NBAS: variants seen among roughly 807,000 people sequenced by gnomAD.
NBAS encodes the protein NAG/BC035112 fusion.
A neutral mutation model predicts 302.5 loss-of-function variants in NBAS; 219 were observed. The observed-to-expected ratio is 0.72, with a 90% confidence interval of 0.65 to 0.81. The LOEUF is 0.81. Among genes scored for constraint, NBAS ranks in the 30% least tolerant of loss-of-function variants. The probability of loss-of-function intolerance (pLI) is 0.00; values close to 1 mark genes in which losing one functional copy is unlikely to be tolerated. For missense variants in NBAS, 2,932 were observed against 2,841.6 expected, an observed-to-expected ratio of 1.03 and a Z score of -0.72; for synonymous variants, 1,118 against 1,021.6, an observed-to-expected ratio of 1.09 and a Z score of -1.80.
intron 1 of NBAS, among the ~76,000 whole-genome samples, chr2:15,559,038 G>C (rs887336632): frequency 7.2e-5 from 9 of 125,544 alleles, no homozygotes; most frequent in African/African-American, 2.5e-4. Context: ...ACTCCAGCCT[G>C]GGTGACAGAG....
At chr2:14,848,157 T>C in the NBAS span, among the ~76,000 whole-genome samples, 844 of 151,870 alleles carry the variant, frequency 5.6e-3, 15 homozygotes, top group African/African-American at 0.019. Context: ...TGCATTTCCA[T>C]CTGAGGTACC....
chr2:15,143,688 A>G, the NBAS span, among the ~76,000 whole-genome samples: 2 of 152,276 alleles, frequency 1.3e-5, no homozygotes, highest in Admixed American at 1.3e-4. Flanking sequence ...TTGGATTGAA[A>G]GATACAAAGT....
Position 15,330,714 on chromosome 2 carries a change from T to A in NBAS, c.4231A>T (p.Thr1411Ser). ...SNSADLLRWTTATTMKVLSNT... is the reference protein window; with the variant it reads ...SNSADLLRWTSATTMKVLSNT... ...GAAAGGACTTTCATGGTGGTAGCAG[T>A]GGTCCAGCGCAATAGGTCAGCTGAA... The change falls in exon 36 of 52, where the codon ACT becomes TCT. Residue 1411 changes from threonine (T) to serine (S), a missense_variant. Thr to Ser is a moderately conservative substitution (Grantham distance 58, BLOSUM62 1). Transcript: ENST00000281513. The A allele has an allele frequency of 6.2e-7, 1 of 1,614,074 alleles. No individual in the cohort carries two copies. Among genetic ancestry groups the A allele is most frequent in the East Asian group, 2.2e-5 (1 of 44,870 alleles).
rs1312316620 is a variant in NBAS, at chr2:15,353,424, G to GA, written c.4089+128dup. On this transcript the variant is annotated intron_variant, in intron 34 of 51. Transcript: ENST00000281513. ...ATTTTCATGTCCCTTTTCCATAAGT[G>GA]ACAATCTAGTTTTCTTCCATAAATT... is the stretch of plus-strand genomic sequence containing the variant. 6.1e-6 allele frequency: 7 copies of GA among 1,149,818 alleles called. No individual in the cohort carries two copies. The African/African-American group carries it at 1.1e-4, about 18-fold the overall frequency. The allele number at this position is 1,149,818 out of a possible 1,614,324, so 71.2% of individuals were successfully genotyped here.
chr2:15,152,453 A>G, the NBAS span, among the ~76,000 whole-genome samples: 1 of 152,220 alleles, frequency 6.6e-6, no homozygotes, highest in Non-Finnish European at 1.5e-5. Flanking sequence ...ACAAACTGCA[A>G]TCTAGCTAAG....
the NBAS span, among the ~76,000 whole-genome samples, chr2:15,073,296 T>A: frequency 6.6e-6 from 1 of 151,858 alleles, no homozygotes; most frequent in Non-Finnish European, 1.5e-5. Context: ...CTGGCCAACA[T>A]GGTGAAACAC....
chr2:14,938,256 T>G, the NBAS span, among the ~76,000 whole-genome samples: 1 of 152,152 alleles, frequency 6.6e-6, no homozygotes, highest in Non-Finnish European at 1.5e-5. Context: ...ACTAATAAAT[T>G]TACAACTCTG....
chr2:14,972,945 T>G, the NBAS span, among the ~76,000 whole-genome samples: 13 of 152,208 alleles, frequency 8.5e-5, no homozygotes, highest in African/African-American at 3.1e-4. Flanking sequence ...AACACTTGGC[T>G]AGAACCATCA....
intron 6 of NBAS, among the ~76,000 whole-genome samples, chr2:15,547,145 T>C (rs1397307705): frequency 6.6e-6 from 1 of 152,198 alleles, no homozygotes; most frequent in East Asian, 1.9e-4. Flanking sequence ...ACAATCCACA[T>C]TTAAAACATT....
intron 24 of NBAS, among the ~76,000 whole-genome samples, chr2:15,416,295 C>T (rs571384350): frequency 1.3e-5 from 2 of 152,216 alleles, no homozygotes; most frequent in South Asian, 4.2e-4. Context: ...TTTGTTTTGC[C>T]CCTTTACAAC....
intron 44 of NBAS, among the ~76,000 whole-genome samples, chr2:15,248,102 T>C (rs897552988): frequency 6.6e-6 from 1 of 152,016 alleles, no homozygotes; most frequent in African/African-American, 2.4e-5. Flanking sequence ...TAACAAACAG[T>C]CTCTCAGGCC....
chr2:14,996,566 T>C, the NBAS span, among the ~76,000 whole-genome samples: 1 of 152,184 alleles, frequency 6.6e-6, no homozygotes, highest in African/African-American at 2.4e-5. Flanking sequence ...TCCAACATAA[T>C]TGCTCTGGGC....
intron 9 of NBAS, among the ~76,000 whole-genome samples, chr2:15,533,679 C>CGTGTGTGTGTGT (rs59222907): frequency 2.1e-3 from 305 of 144,018 alleles, no homozygotes; most frequent in African/African-American, 3.6e-3. Context: ...GGGGGGTGTG[C>CGTGTGTGTGTGT]GTGTGTGTGT....
chr2:15,345,755 ATAC>A (rs1673058228), intron 35 of NBAS, among the ~76,000 whole-genome samples: 1 of 152,218 alleles, frequency 6.6e-6, no homozygotes, highest in Admixed American at 6.5e-5. Flanking sequence ...ACTTCAAACT[ATAC>A]TACAAGGCTA....
At chr2:15,217,487 G>A (rs1256191433) in intron 48 of NBAS, among the ~76,000 whole-genome samples, 3 of 152,316 alleles carry the variant, frequency 2.0e-5, no homozygotes, top group Admixed American at 6.5e-5. Context: ...TTCTTTAGAT[G>A]TAGTAATAAC....
chr2:15,455,433 AC>A (rs1467659543), intron 21 of NBAS, among the ~76,000 whole-genome samples: 2 of 152,122 alleles, frequency 1.3e-5, no homozygotes, highest in Non-Finnish European at 2.9e-5. Context: ...AAGAAAAAAA[AC>A]CTAGGTGAAT....
chr2:15,505,175 T>A (rs2287266), intron 10 of NBAS, among the ~76,000 whole-genome samples: 1 of 151,526 alleles, frequency 6.6e-6, no homozygotes. Flanking sequence ...TGTCCCCACT[T>A]ACTCCATTGT....
At chr2:15,301,904 T>C (rs1006519605) in intron 40 of NBAS, among the ~76,000 whole-genome samples, 5 of 152,178 alleles carry the variant, frequency 3.3e-5, no homozygotes, top group African/African-American at 1.2e-4. Context: ...AGGCCAATCA[T>C]GGGATGTGCA....
At chr2:15,427,107 T>C (rs1677517333) in intron 22 of NBAS, among the ~76,000 whole-genome samples, 2 of 152,174 alleles carry the variant, frequency 1.3e-5, no homozygotes, top group Non-Finnish European at 1.5e-5. Context: ...ATCTGAAGGT[T>C]TTCTAGCTCA....
Sources: allele counts gnomAD v4.1 joint callset (sites outside exome capture counted in the v4.1 genomes callset), GRCh38; gene constraint gnomAD v4.1.1; transcripts MANE v1.5; gene names NCBI Gene and HGNC (gene_info 2026-07-23, HGNC 2026-07-21).